SAP30BP: variants seen among roughly 807,000 people sequenced by gnomAD.
SAP30BP encodes SAP30 binding protein.
SAP30BP carries 31 observed loss-of-function variants against 46.3 expected under a neutral mutation model. That is an observed-to-expected ratio of 0.67 (90% CI 0.50 to 0.90). The LOEUF (loss-of-function observed/expected upper bound fraction) is 0.90, where lower values mean the gene tolerates loss of function less well. Among genes scored for constraint, SAP30BP ranks in the 40% least tolerant of loss-of-function variants. The pLI, the probability that SAP30BP is intolerant of heterozygous loss-of-function variation, is 0.00. For missense variants in SAP30BP, 312 were observed against 391.0 expected, an observed-to-expected ratio of 0.80 and a Z score of 1.70; for synonymous variants, 169 against 144.2, an observed-to-expected ratio of 1.17 and a Z score of -1.23.
chr17:75,674,703 T>TTTTTTTTG (rs1568300372), intron 3 of SAP30BP, among the ~76,000 whole-genome samples: 11 of 86,340 alleles, frequency 1.3e-4, no homozygotes, highest in Non-Finnish European at 1.8e-4. Flanking sequence ...TTTTGTTTTT[T>TTTTTTTTG]TTTTTTTTTT....
At chr17:75,692,339 G>A in intron 3 of SAP30BP, 1 of 985,444 alleles carries the variant, frequency 1.0e-6, no homozygotes, top group Non-Finnish European at 1.2e-6. Context: ...TCCTCGAAAA[G>A]GTCTTGTTGC....
intron 2 of SAP30BP, among the ~76,000 whole-genome samples, chr17:75,669,710 C>G (rs528477333): frequency 1.4e-4 from 22 of 152,242 alleles, no homozygotes; most frequent in African/African-American, 5.1e-4. Context: ...TCTTTCTTGA[C>G]ATTTTATTTG....
chr17:75,689,797 C>A (rs1280682020), intron 3 of SAP30BP, among the ~76,000 whole-genome samples: 3 of 152,206 alleles, frequency 2.0e-5, no homozygotes, highest in Non-Finnish European at 2.9e-5. Context: ...CTTCTTTCCG[C>A]TTCCTGCCTC....
intron 4 of SAP30BP, among the ~76,000 whole-genome samples, chr17:75,698,276 A>G (rs1599159747): frequency 1.3e-5 from 2 of 152,360 alleles, no homozygotes; most frequent in South Asian, 2.1e-4. Context: ...GTTCTCAGGA[A>G]TGAGGTGGGC....
chr17:75,682,689 C>T (rs376033400), intron 3 of SAP30BP, among the ~76,000 whole-genome samples: 43 of 152,028 alleles, frequency 2.8e-4, no homozygotes, highest in Middle Eastern at 3.4e-3. Context: ...TGAGGCTGGG[C>T]GCAGTGGCTC....
chr17:75,681,465 C>T (rs942033481), intron 3 of SAP30BP, among the ~76,000 whole-genome samples: 1 of 152,190 alleles, frequency 6.6e-6, no homozygotes, highest in African/African-American at 2.4e-5. Flanking sequence ...GCAGAGCTGA[C>T]TCGGTAATTC....
intron 4 of SAP30BP, among the ~76,000 whole-genome samples, chr17:75,697,981 T>C (rs1233588089): frequency 1.3e-5 from 2 of 152,238 alleles, no homozygotes; most frequent in Non-Finnish European, 2.9e-5. Flanking sequence ...TTGCTGAGTG[T>C]TACTGGTGTT....
intron 3 of SAP30BP, among the ~76,000 whole-genome samples, chr17:75,682,685 T>G (rs190930512): frequency 2.0e-5 from 3 of 151,902 alleles, no homozygotes; most frequent in East Asian, 2.0e-4. Flanking sequence ...CATATGAGGC[T>G]GGGCGCAGTG....
rs759029772 is a variant in SAP30BP, at chr17:75,693,464, G to A, written c.289G>A (p.Asp97Asn). ...GGATAATACAGAAGCAGAAAAGCGA[G>A]ACCCCCAGGAACTCGTGGGTGAGTA... ...PKDNTEAEKR[D>N]PQELVASFSE... Residue 97 changes from aspartate to asparagine, a missense_variant, in exon 4 of 11, where the codon GAC (aspartate) becomes AAC (asparagine). Physicochemically the swap from Asp to Asn is conservative, Grantham distance 23. Around this residue, in one of 2 missense-constraint regions of SAP30BP, gnomAD observed 296 missense variants for 346.6 expected, o/e 0.85. Transcript: ENST00000584667. 1.9e-6 allele frequency: 3 copies of A among 1,613,916 alleles called. No homozygotes were observed. Among genetic ancestry groups the A allele is most frequent in the African/African-American group, 2.7e-5 (2 of 74,916 alleles).
At chr17:75,689,070 C>G (rs1353717278) in intron 3 of SAP30BP, among the ~76,000 whole-genome samples, 1 of 152,038 alleles carries the variant, frequency 6.6e-6, no homozygotes, top group South Asian at 2.1e-4. Flanking sequence ...CCTCCACCAG[C>G]TCAGCGTTTA....
chr17:75,692,194 C>G, intron 3 of SAP30BP: 1 of 984,906 alleles, frequency 1.0e-6, no homozygotes, highest in Non-Finnish European at 1.2e-6. Flanking sequence ...TCAGGAGGGA[C>G]TTTCTGGAAA....
At chr17:75,686,432 C>G (rs1047322134) in intron 3 of SAP30BP, among the ~76,000 whole-genome samples, 1 of 151,874 alleles carries the variant, frequency 6.6e-6, no homozygotes, top group African/African-American at 2.4e-5. Flanking sequence ...AGGAGAATGG[C>G]GTGAACCCTG....
At chr17:75,670,405 C>T (rs2059891196) in intron 2 of SAP30BP, among the ~76,000 whole-genome samples, 2 of 152,104 alleles carry the variant, frequency 1.3e-5, no homozygotes, top group African/African-American at 4.8e-5. Flanking sequence ...ATGCCTTTAG[C>T]CCCATCCATT....
intron 8 of SAP30BP, among the ~76,000 whole-genome samples, chr17:75,704,169 C>G (rs1307447790): frequency 6.6e-6 from 1 of 152,156 alleles, no homozygotes; most frequent in Non-Finnish European, 1.5e-5. Flanking sequence ...ATGGGAAGGC[C>G]TCACTGACAA....
chr17:75,686,412 A>G (rs181675061), intron 3 of SAP30BP, among the ~76,000 whole-genome samples: 77 of 152,132 alleles, frequency 5.1e-4, no homozygotes, highest in Non-Finnish European at 2.9e-4. Context: ...GCTACTCTGG[A>G]GGTTGAGGAA....
intron 3 of SAP30BP, among the ~76,000 whole-genome samples, chr17:75,680,210 C>CA (rs2060055593): frequency 1.3e-5 from 2 of 152,114 alleles, no homozygotes; most frequent in Non-Finnish European, 2.9e-5. Context: ...CCTCCCAGCC[C>CA]AGGAGTGTAC....
intron 2 of SAP30BP, among the ~76,000 whole-genome samples, chr17:75,670,338 A>G (rs1210252977): frequency 6.6e-6 from 1 of 151,976 alleles, no homozygotes; most frequent in Non-Finnish European, 1.5e-5. Context: ...AAAAAAAATT[A>G]TTTCCACAAC....
chr17:75,674,690 G>GTTTGTTTTTT (rs2059958498), intron 3 of SAP30BP, among the ~76,000 whole-genome samples: 13 of 39,594 alleles, frequency 3.3e-4, no homozygotes, highest in East Asian at 8.4e-4. Flanking sequence ...TTTTTTGTTT[G>GTTTGTTTTTT]TTTTTTGTTT....
At chr17:75,695,631 C>T (rs751314876) in intron 4 of SAP30BP, among the ~76,000 whole-genome samples, 5 of 152,196 alleles carry the variant, frequency 3.3e-5, no homozygotes, top group Non-Finnish European at 5.9e-5. Context: ...AGGACAGTGG[C>T]TTCCATTCAT....
Sources: allele counts gnomAD v4.1 joint callset (sites outside exome capture counted in the v4.1 genomes callset), GRCh38; gene constraint gnomAD v4.1.1; regional missense constraint gnomAD v4.1.1; transcripts MANE v1.5; gene names NCBI Gene and HGNC (gene_info 2026-07-23, HGNC 2026-07-21).